TRMT11: variants seen among roughly 807,000 people sequenced by gnomAD.
The protein encoded by TRMT11 is tRNA methyltransferase 11.
A neutral mutation model predicts 62.8 loss-of-function variants in TRMT11; 53 were observed. The observed-to-expected ratio is 0.84, with a 90% CI of 0.68 to 1.06. The LOEUF (loss-of-function observed/expected upper bound fraction) is 1.06, where lower values mean the gene tolerates loss of function less well. TRMT11 is among the 50% of genes least tolerant of loss of function. TRMT11 has a pLI of 0.00. For missense variants in TRMT11, 556 were observed against 553.4 expected, an observed-to-expected ratio of 1.00 and a Z score of -0.05; for synonymous variants, 188 against 190.3, an observed-to-expected ratio of 0.99 and a Z score of 0.10.
chr6:126,010,604 C>T (rs1024932083), intron 8 of TRMT11, among the ~76,000 whole-genome samples: 3 of 152,000 alleles, frequency 2.0e-5, no homozygotes, highest in African/African-American at 2.4e-5. Flanking sequence ...GTCCCCACTG[C>T]GTATCTTTTT....
chr6:126,027,063 C>T (rs1773300944), intron 12 of TRMT11, among the ~76,000 whole-genome samples: 2 of 152,096 alleles, frequency 1.3e-5, no homozygotes, highest in Admixed American at 6.5e-5. Flanking sequence ...GCCTCGGCCT[C>T]CCAAAGTGCT....
intron 6 of TRMT11, 91 bp downstream of exon 6, chr6:125,998,775 C>A: frequency 7.9e-7 from 1 of 1,267,098 alleles, no homozygotes; most frequent in Non-Finnish European, 1.1e-6. Context: ...AACTTTAAAG[C>A]AGCTGAAGAG....
intron 12 of TRMT11, among the ~76,000 whole-genome samples, chr6:126,028,057 A>G (rs1773518839): frequency 6.6e-6 from 1 of 152,156 alleles, no homozygotes; most frequent in Non-Finnish European, 1.5e-5. Flanking sequence ...TATTTCCATT[A>G]GACATTATCC....
rs540087287 is a variant in TRMT11 at position 126,082,894 on chromosome 6, C to T, written c.*1437+29704C>T. On this transcript the variant is annotated intron_variant and NMD_transcript_variant, in intron 17 of 22. Transcript: ENST00000648977. Reference sequence around the variant, plus strand: ...AAGAAGTGGTTAAAGTAGTGGTTAACAAGGAAACAATAAGCAACATGAAAC... The same window carrying T: ...AAGAAGTGGTTAAAGTAGTGGTTAATAAGGAAACAATAAGCAACATGAAAC... 5.9e-5 allele frequency among the ~76,000 whole-genome samples: 9 copies of T among 151,908 alleles called. No homozygotes were observed. The South Asian group carries it at 1.7e-3, about 28-fold the overall frequency.
At chr6:126,026,393 A>AT (rs1562282338) in intron 12 of TRMT11, among the ~76,000 whole-genome samples, 74 of 145,764 alleles carry the variant, frequency 5.1e-4, no homozygotes, top group Middle Eastern at 3.5e-3. Context: ...GTTTTTTTTT[A>AT]ATTTTTTTTT....
chr6:126,072,394 C>T (rs1010659521), intron 17 of TRMT11, among the ~76,000 whole-genome samples: 4 of 152,132 alleles, frequency 2.6e-5, no homozygotes, highest in Non-Finnish European at 2.9e-5. Flanking sequence ...GAAAGGAAAT[C>T]GGTGTTATTT....
chr6:126,270,780 C>T, the TRMT11 span, among the ~76,000 whole-genome samples: 32 of 152,232 alleles, frequency 2.1e-4, no homozygotes, highest in East Asian at 2.9e-3. Context: ...TTATGTATCA[C>T]ATTCTGAATT....
At chr6:126,029,833 T>C (rs1467493317) in intron 12 of TRMT11, among the ~76,000 whole-genome samples, 2 of 152,314 alleles carry the variant, frequency 1.3e-5, no homozygotes, top group Non-Finnish European at 1.5e-5. Flanking sequence ...AGATAGCATA[T>C]AGAAAGTGTT....
chr6:126,106,772 C>T (rs188705787), intron 17 of TRMT11, among the ~76,000 whole-genome samples: 12 of 152,194 alleles, frequency 7.9e-5, no homozygotes, highest in African/African-American at 2.9e-4. Flanking sequence ...CCAGGGCTGG[C>T]ATATATTAAG....
At chr6:126,219,823 A>T in the TRMT11 span, among the ~76,000 whole-genome samples, 1 of 152,222 alleles carries the variant, frequency 6.6e-6, no homozygotes, top group Non-Finnish European at 1.5e-5. Flanking sequence ...TGTTCTACGT[A>T]TTCTTCTAAG....
chr6:126,231,143 G>C, the TRMT11 span, among the ~76,000 whole-genome samples: 4 of 152,028 alleles, frequency 2.6e-5, no homozygotes, highest in Admixed American at 6.6e-5. Flanking sequence ...TTAATCTGTT[G>C]GGTTATTTGC....
At chr6:126,172,304 T>A (rs917388179), upstream of TRMT11, among the ~76,000 whole-genome samples, 2 of 152,082 alleles carry the variant, frequency 1.3e-5, no homozygotes, top group Admixed American at 6.5e-5. Flanking sequence ...TAGAATAAGA[T>A]GTCATTTTGG....
Position 126,008,373 on chromosome 6 carries a change from A to C in TRMT11, c.680-19A>C. 1.2e-6 allele frequency: 2 copies of C among 1,611,766 alleles called. No individual in the cohort carries two copies. The highest frequency in any genetic ancestry group is 1.7e-6 in the Non-Finnish European group (2 of 1,178,116). Reference sequence around the variant, plus strand: ...TTGGGACTTACTGGTTAACAGGTCAAAATTGTGTGATTTTTCAGGTGGCCT... The same window carrying C: ...TTGGGACTTACTGGTTAACAGGTCACAATTGTGTGATTTTTCAGGTGGCCT... On this transcript the variant is annotated intron_variant, in intron 7 of 12. Transcript: ENST00000334379.
intron 12 of TRMT11, among the ~76,000 whole-genome samples, chr6:126,025,807 T>G (rs1052056875): frequency 6.6e-6 from 1 of 152,250 alleles, no homozygotes; most frequent in Non-Finnish European, 1.5e-5. Context: ...TCTTCATTTT[T>G]GATTTGTCAC....
chr6:126,125,680 T>C (rs1263098349), intron 21 of TRMT11, among the ~76,000 whole-genome samples: 1 of 152,086 alleles, frequency 6.6e-6, no homozygotes. Context: ...TACTTCTTTC[T>C]GCCTTGTCTT....
rs148246307 is a variant in TRMT11 at position 126,026,307 on chromosome 6, A to G, written c.1260+5027A>G. ...GAAATTCTGTGTCGTTTTTTTCTAC[A>G]TCTTGCTGCCTCTCTACCGAAGCAT... On this transcript the variant is annotated intron_variant, in intron 12 of 12. Transcript: ENST00000334379. Among the ~76,000 whole-genome samples, 164 of 152,258 alleles carry G rather than the reference A, an allele frequency of 1.1e-3. 2 individuals carry two copies. The East Asian group carries it at 0.028, about 26-fold the overall frequency.
At chr6:126,075,624 C>G (rs561043294) in intron 17 of TRMT11, among the ~76,000 whole-genome samples, 7 of 152,198 alleles carry the variant, frequency 4.6e-5, no homozygotes, top group Admixed American at 4.6e-4. Flanking sequence ...AATTAAACCT[C>G]TTTTCTTTAT....
At chr6:126,249,973 G>A in the TRMT11 span, among the ~76,000 whole-genome samples, 1 of 152,124 alleles carries the variant, frequency 6.6e-6, no homozygotes, top group Non-Finnish European at 1.5e-5. Context: ...CAGGCACAAT[G>A]AGCACTGGCT....
intron 1 of TRMT11, among the ~76,000 whole-genome samples, chr6:126,191,464 C>CTTGT (rs1778598703): frequency 9.8e-6 from 1 of 102,380 alleles, no homozygotes; most frequent in African/African-American, 3.5e-5. Context: ...TCCTACTTGT[C>CTTGT]TTTTTTTTTT....
Sources: allele counts gnomAD v4.1 joint callset (sites outside exome capture counted in the v4.1 genomes callset), GRCh38; gene constraint gnomAD v4.1.1; transcripts MANE v1.5; gene names NCBI Gene and HGNC (gene_info 2026-07-23, HGNC 2026-07-21).